Variants in SYT14 observed in about 807,000 individuals in gnomAD.
SYT14 encodes the protein synaptotagmin-14.
SYT14 carries 32 observed loss-of-function variants against 74.2 expected under a neutral mutation model. The observed-to-expected ratio is 0.43, with a 90% CI of 0.33 to 0.58. The LOEUF (loss-of-function observed/expected upper bound fraction) is 0.58, where lower values mean the gene tolerates loss of function less well. SYT14 is among the 20% of genes least tolerant of loss of function. The probability of loss-of-function intolerance (pLI) is 0.05; values close to 1 mark genes in which losing one functional copy is unlikely to be tolerated. For synonymous variants in SYT14, 298 were observed against 337.7 expected (o/e 0.88, Z 1.29); for missense variants, 791 against 981.8 (o/e 0.81, Z 2.60).
rs755085755 is a variant in SYT14, at chr1:209,938,222, C to T, written c.-589C>T. 4.9e-5 allele frequency: 75 copies of T among 1,518,650 alleles called. 1 individual carries two copies. The highest frequency in any genetic ancestry group is 2.6e-4 in the Admixed American group (13 of 50,702). The allele number at this position is 1,518,650 out of a possible 1,614,324, so 94.1% of individuals were successfully genotyped here. On this transcript the variant is annotated 5_prime_UTR_variant, in exon 1 of 10. Coordinates refer to ENST00000637265, the Ensembl canonical transcript of SYT14. The stretch of plus-strand genomic sequence containing the variant: ...CGTCCTCCGCCAGCCCTCGCGTCTG[C>T]TGCCCCCGCCATCCAGTTGGTGCGG...
At chr1:210,159,030 A>G (rs980245203) in intron 8 of SYT14, among the ~76,000 whole-genome samples, 2 of 152,118 alleles carry the variant, frequency 1.3e-5, no homozygotes, top group African/African-American at 4.8e-5. Flanking sequence ...GAAATATTAA[A>G]TTGATACATT....
chr1:210,126,991 G>C (rs2102627531), intron 7 of SYT14, among the ~76,000 whole-genome samples: 1 of 152,298 alleles, frequency 6.6e-6, no homozygotes, highest in East Asian at 1.9e-4. Flanking sequence ...GTTCCTTAGT[G>C]GATGGGGTTC....
chr1:210,148,365 C>T (rs1428528047), intron 7 of SYT14, among the ~76,000 whole-genome samples: 2 of 151,972 alleles, frequency 1.3e-5, no homozygotes, highest in East Asian at 1.9e-4. Flanking sequence ...AAAAATTAGC[C>T]GGGCGTGGTG....
intron 5 of SYT14, among the ~76,000 whole-genome samples, chr1:210,024,094 G>T (rs2080359983): frequency 6.6e-6 from 1 of 152,202 alleles, no homozygotes; most frequent in Non-Finnish European, 1.5e-5. Context: ...ATATACATCT[G>T]AGGGAATAGA....
intron 7 of SYT14, among the ~76,000 whole-genome samples, chr1:210,150,100 A>T (rs1161668952): frequency 6.6e-6 from 1 of 152,152 alleles, no homozygotes; most frequent in Non-Finnish European, 1.5e-5. Flanking sequence ...AAGTTCCAGG[A>T]TTTGGGTTTG....
intron 2 of SYT14, among the ~76,000 whole-genome samples, chr1:209,994,231 A>G (rs2102854083): frequency 6.6e-6 from 1 of 152,356 alleles, no homozygotes; most frequent in Admixed American, 6.5e-5. Context: ...TAGTTGAAAC[A>G]CAATCTAAGG....
intron 7 of SYT14, among the ~76,000 whole-genome samples, chr1:210,113,009 T>A (rs185036647): frequency 2.0e-5 from 3 of 151,412 alleles, no homozygotes; most frequent in Admixed American, 2.0e-4. Flanking sequence ...TGAGCATAGT[T>A]TTTTATTTTG....
At chr1:210,078,791 G>C (rs2081563294) in intron 5 of SYT14, among the ~76,000 whole-genome samples, 1 of 151,072 alleles carries the variant, frequency 6.6e-6, no homozygotes, top group African/African-American at 2.4e-5. Context: ...CTGTCGCCCA[G>C]GCTGGAGTGC....
exon 4 of SYT14, chr1:210,015,917 A>G: frequency 8.1e-7 from 1 of 1,229,828 alleles, no homozygotes; most frequent in Admixed American, 4.2e-5. Flanking sequence ...ACATTTAAGT[A>G]AATGTTAAAT....
intron 4 of SYT14, among the ~76,000 whole-genome samples, chr1:210,018,380 G>A (rs185096555): frequency 3.9e-5 from 6 of 152,144 alleles, no homozygotes; most frequent in East Asian, 1.9e-4. Flanking sequence ...TGATCCACCC[G>A]CCTCGGCCTC....
intron 5 of SYT14, among the ~76,000 whole-genome samples, chr1:210,084,051 CAT>C (rs749559487): frequency 9.9e-5 from 15 of 152,112 alleles, no homozygotes; most frequent in Non-Finnish European, 1.9e-4. Context: ...GCAATTTTAC[CAT>C]CAGGGCTTCC....
chr1:210,090,741 T>C (rs916918818), intron 5 of SYT14, among the ~76,000 whole-genome samples: 1 of 152,124 alleles, frequency 6.6e-6, no homozygotes, highest in African/African-American at 2.4e-5. Flanking sequence ...AATTTAACAA[T>C]AATAATATAA....
intron 2 of SYT14, among the ~76,000 whole-genome samples, chr1:209,998,053 C>T (rs1311293757): frequency 2.6e-5 from 4 of 151,718 alleles, no homozygotes; most frequent in African/African-American, 4.8e-5. Flanking sequence ...ATTTTGATTG[C>T]GTGTTTTTAA....
At chr1:210,038,488 C>T (rs1457919708) in intron 5 of SYT14, among the ~76,000 whole-genome samples, 1 of 151,992 alleles carries the variant, frequency 6.6e-6, no homozygotes, top group East Asian at 1.9e-4. Context: ...ACTTTGCAGT[C>T]TTATTTGTCT....
At chr1:209,960,744 A>C (rs2079063757) in intron 2 of SYT14, among the ~76,000 whole-genome samples, 1 of 152,174 alleles carries the variant, frequency 6.6e-6, no homozygotes, top group South Asian at 2.1e-4. Context: ...GGCTTGTATG[A>C]TTGTTGACAT....
chr1:210,081,906 A>G (rs2081623839), intron 5 of SYT14, among the ~76,000 whole-genome samples: 1 of 152,238 alleles, frequency 6.6e-6, no homozygotes, highest in Non-Finnish European at 1.5e-5. Context: ...TCTTGATTAA[A>G]GATGAATATG....
intron 7 of SYT14, among the ~76,000 whole-genome samples, chr1:210,137,629 A>G (rs1331250482): frequency 6.6e-6 from 1 of 151,712 alleles, no homozygotes; most frequent in African/African-American, 2.4e-5. Flanking sequence ...GTTGATTTGA[A>G]CCATGTTCTC....
chr1:210,002,052 G>C (rs555440395), intron 2 of SYT14, among the ~76,000 whole-genome samples: 35 of 152,354 alleles, frequency 2.3e-4, no homozygotes, highest in African/African-American at 7.7e-4. Flanking sequence ...AAGATTATAA[G>C]TGGGTCATTC....
chr1:210,005,794 C>T (rs1462418869), intron 2 of SYT14, among the ~76,000 whole-genome samples: 1 of 151,882 alleles, frequency 6.6e-6, no homozygotes, highest in Non-Finnish European at 1.5e-5. Context: ...ATATGAAGTA[C>T]ATTAAGTATT....
Sources: gnomAD v4.1 joint callset for allele counts (sites outside exome capture counted in the v4.1 genomes callset) on GRCh38, gnomAD v4.1.1 for gene constraint, MANE v1.5 for transcripts, NCBI Gene and HGNC (gene_info 2026-07-23, HGNC 2026-07-21) for gene names.